The following PCSK6 variants were observed in gnomAD, a reference collection of about 807,000 sequenced individuals.
PCSK6 encodes proprotein convertase subtilisin/kexin type 6, also known as paired basic amino acid cleaving enzyme 4.
Under a neutral mutation model 123.3 loss-of-function variants are expected in PCSK6, and 85 were observed. The ratio of observed to expected loss-of-function variants is 0.69; its 90% confidence interval spans 0.58 to 0.83. The LOEUF is 0.83. Ranked by LOEUF, PCSK6 falls within the 40% of genes least tolerant of loss-of-function variation. PCSK6 has a pLI of 0.00. For synonymous variants in PCSK6, 508 were observed against 516.0 expected (o/e 0.98, Z 0.21); for missense variants, 1,191 against 1,282.3 (o/e 0.93, Z 1.09).
At chr15:101,343,374 CCTT>C (rs2040662639) in intron 13 of PCSK6, among the ~76,000 whole-genome samples, 2 of 151,800 alleles carry the variant, frequency 1.3e-5, no homozygotes, top group South Asian at 4.2e-4. Flanking sequence ...TTTAAAAATT[CCTT>C]CTTTCTTCAT....
intron 15 of PCSK6, among the ~76,000 whole-genome samples, chr15:101,328,298 G>T (rs2040303853): frequency 6.6e-6 from 1 of 152,228 alleles, no homozygotes; most frequent in Non-Finnish European, 1.5e-5. Flanking sequence ...TTCATCTTAA[G>T]AAGATGAGGG....
chr15:101,403,257 T>A (rs867907353), intron 6 of PCSK6, among the ~76,000 whole-genome samples: 106 of 113,352 alleles, frequency 9.4e-4, no homozygotes, highest in Admixed American at 1.5e-3. Flanking sequence ...AACATCACAC[T>A]CTGGGGACTG....
At chr15:101,407,724 C>T (rs2042820345) in intron 6 of PCSK6, among the ~76,000 whole-genome samples, 1 of 152,218 alleles carries the variant, frequency 6.6e-6, no homozygotes, top group Non-Finnish European at 1.5e-5. Context: ...CTTCCCCTCT[C>T]TCCTGCCTCC....
chr15:101,307,359 G>A (rs1303727000), intron 20 of PCSK6, 34 bp from the exon 21 acceptor site: 1 of 1,522,084 alleles, frequency 6.6e-7, no homozygotes, highest in Non-Finnish European at 9.0e-7. Context: ...TGAAGTCTGG[G>A]GAAGAGGCTC....
chr15:101,379,543 T>C (rs1340405828), intron 11 of PCSK6, among the ~76,000 whole-genome samples: 1 of 152,222 alleles, frequency 6.6e-6, no homozygotes, highest in East Asian at 1.9e-4. Flanking sequence ...ACACTCTGTC[T>C]TCCCTCTTGC....
At chr15:101,402,419 T>C (rs1227359796) in intron 6 of PCSK6, among the ~76,000 whole-genome samples, 7 of 151,360 alleles carry the variant, frequency 4.6e-5, no homozygotes, top group Admixed American at 2.6e-4. Flanking sequence ...AATTGACAAA[T>C]GGGATCTAAT....
At chr15:101,368,240 G>A (rs1335542405) in intron 12 of PCSK6, among the ~76,000 whole-genome samples, 2 of 152,194 alleles carry the variant, frequency 1.3e-5, no homozygotes, top group East Asian at 3.9e-4. Context: ...GCAGCAGCAG[G>A]AGGAGGAAAG....
At chr15:101,401,723 G>C (rs965676303) in intron 6 of PCSK6, among the ~76,000 whole-genome samples, 16 of 152,164 alleles carry the variant, frequency 1.1e-4, no homozygotes, top group African/African-American at 3.6e-4. Context: ...CCGTGTAAAG[G>C]GTCTGGCACA....
In PCSK6 at chr15:101,463,429, C is replaced by T. The variant is rs183368011; in HGVS notation, c.298-19769G>A. 3.5e-3 allele frequency among the ~76,000 whole-genome samples: 536 copies of T among 152,262 alleles called. 6 individuals are homozygous for T. Among genetic ancestry groups the T allele is most frequent in the African/African-American group, 0.012 (481 of 41,538 alleles). ...CTTCCTTTGGGGCCAAGCGTTGCAA[C>T]AATTCTGCTGCTACCAGTTCCTGGT... On this transcript the variant is annotated intron_variant, in intron 1 of 21. Transcript: ENST00000611716.
At chr15:101,466,235 C>T (rs569597784) in intron 1 of PCSK6, among the ~76,000 whole-genome samples, 1 of 152,280 alleles carries the variant, frequency 6.6e-6, no homozygotes, top group East Asian at 1.9e-4. Context: ...GCAGACGGTT[C>T]TCTAAAAAAG....
chr15:101,370,813 G>A (rs921505477), intron 11 of PCSK6, among the ~76,000 whole-genome samples: 3 of 152,254 alleles, frequency 2.0e-5, no homozygotes, highest in African/African-American at 7.2e-5. Context: ...GGAGGCCGAG[G>A]CACCGCCTGC....
chr15:101,470,541 C>A (rs185974034), intron 1 of PCSK6, among the ~76,000 whole-genome samples: 2 of 152,264 alleles, frequency 1.3e-5, no homozygotes, highest in South Asian at 2.1e-4. Flanking sequence ...AGTTTAATGT[C>A]CTTTCATTTC....
At chr15:101,488,934 G>A (rs2058087605) in intron 1 of PCSK6, among the ~76,000 whole-genome samples, 1 of 149,984 alleles carries the variant, frequency 6.7e-6, no homozygotes, top group South Asian at 2.1e-4. Flanking sequence ...GCCCGTCGAG[G>A]GCAGAGGGGC....
At chr15:101,432,193 G>A in intron 2 of PCSK6, 93 bp from the exon 3 acceptor site, 1 of 976,776 alleles carries the variant, frequency 1.0e-6, no homozygotes, top group Non-Finnish European at 1.6e-6. Context: ...CCTTGTGCGT[G>A]AATATCTGTG....
intron 11 of PCSK6, among the ~76,000 whole-genome samples, chr15:101,372,910 G>C (rs997666057): frequency 6.6e-6 from 1 of 152,102 alleles, no homozygotes; most frequent in Non-Finnish European, 1.5e-5. Flanking sequence ...TAGGGGAAGT[G>C]ATCAATCTGC....
At chr15:101,361,156 TTCTC>T (rs753650844) in intron 13 of PCSK6, among the ~76,000 whole-genome samples, 6 of 130,262 alleles carry the variant, frequency 4.6e-5, no homozygotes, top group Non-Finnish European at 9.3e-5. Flanking sequence ...CTATAGTTCT[TTCTC>T]TCTCTTTTTT....
intron 6 of PCSK6, among the ~76,000 whole-genome samples, chr15:101,412,691 T>TTATA (rs149902723): frequency 0.015 from 1,883 of 124,712 alleles, 114 homozygotes; most frequent in African/African-American, 0.052. Flanking sequence ...AACTGGAAAA[T>TTATA]TATATATATA....
intron 1 of PCSK6, among the ~76,000 whole-genome samples, chr15:101,488,892 T>C (rs767983843): frequency 6.7e-6 from 1 of 149,702 alleles, no homozygotes; most frequent in Admixed American, 6.6e-5. Context: ...CGCGGCCGCC[T>C]TGGCGCGCGC....
intron 13 of PCSK6, among the ~76,000 whole-genome samples, chr15:101,353,733 A>C (rs2040961830): frequency 6.6e-6 from 1 of 152,228 alleles, no homozygotes; most frequent in South Asian, 2.1e-4. Context: ...AGATCAGATC[A>C]ACTATGGGCT....
Sources: gnomAD v4.1 joint callset for allele counts (sites outside exome capture counted in the v4.1 genomes callset) on GRCh38, gnomAD v4.1.1 for gene constraint, MANE v1.5 for transcripts, NCBI Gene and HGNC (gene_info 2026-07-23, HGNC 2026-07-21) for gene names.